Variants in CNNM1 observed in about 807,000 individuals in gnomAD.
CNNM1 encodes the protein cyclin and CBS domain divalent metal cation transport mediator 1, also known as metal transporter CNNM1.
CNNM1 carries 44 observed loss-of-function variants against 78.8 expected under a neutral mutation model. That is an observed-to-expected ratio of 0.56 (90% CI 0.44 to 0.72). The LOEUF (loss-of-function observed/expected upper bound fraction) is 0.72, where lower values mean the gene tolerates loss of function less well. Among genes scored for constraint, CNNM1 ranks in the 30% least tolerant of loss-of-function variants. The probability of loss-of-function intolerance (pLI) is 0.00; values close to 1 mark genes in which losing one functional copy is unlikely to be tolerated. For synonymous variants in CNNM1, 584 were observed against 581.5 expected, an observed-to-expected ratio of 1.00 and a Z score of -0.06; for missense variants, 1,101 against 1,292.2, an observed-to-expected ratio of 0.85 and a Z score of 2.27.
intron 7 of CNNM1, 109 bp downstream of exon 7, chr10:99,377,327 C>A: frequency 9.4e-7 from 1 of 1,066,326 alleles, no homozygotes; most frequent in East Asian, 2.6e-5. Flanking sequence ...GCACCATTCC[C>A]CTGTGTTCCA....
rs781044815 is a variant in CNNM1, at chr10:99,364,535, G to A, written c.2128+19G>A. 3 of 1,583,322 alleles carry A rather than the reference G, an allele frequency of 1.9e-6. No individual in the cohort carries two copies. The highest frequency in any genetic ancestry group is 2.6e-6 in the Non-Finnish European group (3 of 1,159,370). ...TGCTCAGGTATTCTAGTTTCCATTT[G>A]TTTATTGGGAAAGTAATGGGATATG... On this transcript the variant is annotated intron_variant, in intron 5 of 10. Coordinates refer to ENST00000356713, the MANE Select transcript of CNNM1 (RefSeq NM_020348.3).
rs2031986924 is a variant in CNNM1 at position 99,377,059 on chromosome 10, C to G, written c.2181C>G (p.Asn727Lys). ...GSLAGSSVFLNRSPSRCSGLN... is the reference protein window; with the variant it reads ...GSLAGSSVFLKRSPSRCSGLN... ...TCCATCTCTCACCATCTGCAGTAAACCGGTCCCCTTCTCGCTGCAGTGGGT... is the reference window on the plus strand; with the variant it reads ...TCCATCTCTCACCATCTGCAGTAAAGCGGTCCCCTTCTCGCTGCAGTGGGT... Residue 727 changes from asparagine to lysine, a missense_variant, in exon 7 of 11, where the codon AAC becomes AAG. Physicochemically the swap from Asn to Lys is moderately conservative, Grantham distance 94. This residue lies in a region of CNNM1 where 348 missense variants were observed against 384.5 expected (regional missense o/e 0.90). Coordinates refer to ENST00000356713, the MANE Select transcript of CNNM1 (RefSeq NM_020348.3). 2 of 1,358,318 alleles carry G rather than the reference C, an allele frequency of 1.5e-6. No homozygotes were observed. Among genetic ancestry groups the G allele is most frequent in the African/African-American group, 3.0e-5 (2 of 67,362 alleles). The allele number at this position is 1,358,318 out of a possible 1,614,324, so 84.1% of individuals were successfully genotyped here.
chr10:99,379,737 C>T (rs140971261), intron 7 of CNNM1, among the ~76,000 whole-genome samples: 7 of 151,900 alleles, frequency 4.6e-5, no homozygotes, highest in Admixed American at 4.6e-4. Flanking sequence ...CCTCAGCCTC[C>T]CAAAGTGATG....
chr10:99,337,818 T>G (rs1035989255), intron 1 of CNNM1, among the ~76,000 whole-genome samples: 4 of 152,210 alleles, frequency 2.6e-5, no homozygotes, highest in African/African-American at 9.6e-5. Flanking sequence ...CTTAAGGAGT[T>G]AAACTTTAAT....
At chr10:99,347,248 CG>C (rs1564942432) in intron 1 of CNNM1, among the ~76,000 whole-genome samples, 1 of 151,884 alleles carries the variant, frequency 6.6e-6, no homozygotes, top group African/African-American at 2.4e-5. Flanking sequence ...CAGCCAGGCA[CG>C]GTGGCTCACA....
At chr10:99,375,189 G>T (rs560838045) in intron 6 of CNNM1, among the ~76,000 whole-genome samples, 1 of 152,176 alleles carries the variant, frequency 6.6e-6, no homozygotes, top group African/African-American at 2.4e-5. Context: ...AGGAAAGCAG[G>T]GGCCAGGTCA....
At chr10:99,358,583 A>T (rs2031308109) in intron 2 of CNNM1, among the ~76,000 whole-genome samples, 1 of 152,210 alleles carries the variant, frequency 6.6e-6, no homozygotes, top group Non-Finnish European at 1.5e-5. Flanking sequence ...CAGTGCAGAA[A>T]GAGTGCCTTC....
In CNNM1 at chr10:99,329,501, C is replaced by T; in HGVS notation, c.114C>T (p.Ala38=). Residue 38 remains alanine, a synonymous_variant, in exon 1 of 11, where the codon GCC becomes GCT. Coordinates refer to ENST00000356713, the MANE Select transcript of CNNM1 (RefSeq NM_020348.3). The part of the protein sequence containing the change: ...FFSLSPRPPA[A]AAWLLGLRPE... ...CCCTGTCTCCTCGGCCCCCGGCCGCCGCCGCCTGGCTGCTGGGCCTGCGGC... is the reference window on the plus strand; with the variant it reads ...CCCTGTCTCCTCGGCCCCCGGCCGCTGCCGCCTGGCTGCTGGGCCTGCGGC... 1 of 1,509,142 alleles carries T rather than the reference C, an allele frequency of 6.6e-7. No individual in the cohort carries two copies. The allele number at this position is 1,509,142 out of a possible 1,614,324, so 93.5% of individuals were successfully genotyped here.
At chr10:99,352,161 A>G (rs2030973220) in intron 1 of CNNM1, among the ~76,000 whole-genome samples, 1 of 152,106 alleles carries the variant, frequency 6.6e-6, no homozygotes, top group East Asian at 1.9e-4. Flanking sequence ...TCTGGCAACC[A>G]TGATCTACTT....
At chr10:99,357,910 C>T (rs77042855) in intron 2 of CNNM1, among the ~76,000 whole-genome samples, 3,008 of 152,212 alleles carry the variant, frequency 0.02, 91 homozygotes, top group African/African-American at 0.066. Context: ...AAAAGGAGAC[C>T]TCCCAGCCTT....
At chr10:99,339,752 C>T (rs1355616260) in intron 1 of CNNM1, among the ~76,000 whole-genome samples, 3 of 152,190 alleles carry the variant, frequency 2.0e-5, no homozygotes, top group Non-Finnish European at 2.9e-5. Context: ...AGTAAGTGTT[C>T]CTGGCCCAGA....
chr10:99,344,848 T>G (rs939544672), intron 1 of CNNM1, among the ~76,000 whole-genome samples: 1 of 152,210 alleles, frequency 6.6e-6, no homozygotes, highest in East Asian at 1.9e-4. Context: ...GAATTGTGAC[T>G]CCTTTCCCCT....
At chr10:99,333,686 A>C (rs2030035317) in intron 1 of CNNM1, among the ~76,000 whole-genome samples, 1 of 152,176 alleles carries the variant, frequency 6.6e-6, no homozygotes, top group Non-Finnish European at 1.5e-5. Flanking sequence ...TTTAGGCAAC[A>C]AGGGAGACAG....
At chr10:99,342,876 C>T (rs1482256215) in intron 1 of CNNM1, among the ~76,000 whole-genome samples, 1 of 152,062 alleles carries the variant, frequency 6.6e-6, no homozygotes, top group African/African-American at 2.4e-5. Context: ...TGTTTTGTAG[C>T]CCAGAACTGT....
chr10:99,358,859 C>T (rs995373802), intron 2 of CNNM1, among the ~76,000 whole-genome samples: 2 of 151,740 alleles, frequency 1.3e-5, no homozygotes, highest in Admixed American at 1.3e-4. Flanking sequence ...GTTAGCCAGG[C>T]GTGGTGACGT....
chr10:99,363,525 G>A (rs1157248095), intron 4 of CNNM1, among the ~76,000 whole-genome samples: 1 of 151,948 alleles, frequency 6.6e-6, no homozygotes, highest in Non-Finnish European at 1.5e-5. Context: ...AACTAACCTG[G>A]ACCAAGTTAT....
At chr10:99,356,449 C>G (rs1407384326) in intron 1 of CNNM1, among the ~76,000 whole-genome samples, 1 of 149,768 alleles carries the variant, frequency 6.7e-6, no homozygotes, top group Non-Finnish European at 1.5e-5. Flanking sequence ...GCACTCCAGC[C>G]TGGCGACAGA....
rs184758316 is a variant in CNNM1, at chr10:99,361,020, G to C, written c.1858+45G>C. The C allele has an allele frequency of 7.2e-5, 112 of 1,552,004 alleles. No individual in the cohort carries two copies. In the Middle Eastern group the frequency reaches 1.0e-3, roughly 14 times the overall value. On this transcript the variant is annotated intron_variant, in intron 3 of 10. Coordinates refer to ENST00000356713, the MANE Select transcript of CNNM1 (RefSeq NM_020348.3). ...CAGAGAAGCTAAAACAGAATCTCTAGGGTGGGACCCAGGCACCAATCGTTG... is the reference window on the plus strand; with the variant it reads ...CAGAGAAGCTAAAACAGAATCTCTACGGTGGGACCCAGGCACCAATCGTTG...
intron 1 of CNNM1, among the ~76,000 whole-genome samples, chr10:99,347,012 C>T (rs10883331): frequency 0.45 from 68,886 of 151,844 alleles, 18,533 homozygotes; most frequent in Non-Finnish European, 0.59. Context: ...AATGAGAACA[C>T]GTGGACACAA....
Sources: gnomAD v4.1 joint callset for allele counts (sites outside exome capture counted in the v4.1 genomes callset) on GRCh38, gnomAD v4.1.1 for gene constraint, gnomAD v4.1.1 regional missense constraint, MANE v1.5 for transcripts, NCBI Gene and HGNC (gene_info 2026-07-23, HGNC 2026-07-21) for gene names.